MAP7D1: variants seen among roughly 807,000 people sequenced by gnomAD.
MAP7D1 encodes the protein MAP7 domain-containing protein 1.
A neutral mutation model predicts 97.5 loss-of-function variants in MAP7D1; 30 were observed. The ratio of observed to expected loss-of-function variants is 0.31; its 90% CI spans 0.23 to 0.42. MAP7D1 has a LOEUF of 0.42. Ranked by LOEUF, MAP7D1 falls within the 10% of genes least tolerant of loss-of-function variation. The pLI, the probability that MAP7D1 is intolerant of heterozygous loss-of-function variation, is 1.00. For missense variants in MAP7D1, 1,184 were observed against 1,179.5 expected (o/e 1.00, Z -0.06); for synonymous variants, 536 against 477.1 (o/e 1.12, Z -1.61).
chr1:36,170,850 T>C, intron 1 of MAP7D1, 121 bp from the exon 2 acceptor site: 2 of 650,184 alleles, frequency 3.1e-6, no homozygotes, highest in South Asian at 3.9e-5. Flanking sequence ...GCCCGGCACA[T>C]AGAAATAACT....
At chr1:36,157,976 C>G (rs898497992) in intron 1 of MAP7D1, among the ~76,000 whole-genome samples, 2 of 152,190 alleles carry the variant, frequency 1.3e-5, no homozygotes, top group South Asian at 2.1e-4. Flanking sequence ...GCTTACTGGC[C>G]CTCTGCACCT....
intron 1 of MAP7D1, among the ~76,000 whole-genome samples, chr1:36,170,579 A>T (rs1275985679): frequency 1.3e-5 from 2 of 152,178 alleles, no homozygotes; most frequent in African/African-American, 4.8e-5. Context: ...GCCCCTTCGC[A>T]TATACTCTTC....
In MAP7D1 at chr1:36,176,830, C is replaced by T. The variant is rs1644633961; in HGVS notation, c.1367C>T (p.Ala456Val). ...CGTGCCCGCCTCTCTGCCAGCACCG[C>T]CTCTGAGCTCAGGTGGGCGCGGGCG... ...SPRARLSAST[A>V]SELSPKSKAR... Residue 456 changes from alanine to valine, a missense_variant, in exon 8 of 17, where the codon GCC becomes GTC. By Grantham distance (64) the Ala-to-Val change is moderately conservative. Coordinates refer to ENST00000474796, the MANE Select transcript of MAP7D1 (RefSeq NM_001388490.1). The surrounding 1 kb of genome is among the most constrained non-coding windows in gnomAD (Gnocchi z 6.1). 2.5e-6 allele frequency: 4 copies of T among 1,599,520 alleles called. No individual in the cohort carries two copies. Among genetic ancestry groups the T allele is most frequent in the Non-Finnish European group, 8.5e-7 (1 of 1,174,258 alleles).
chr1:36,178,995 G>C lies in MAP7D1; in HGVS notation c.2100G>C (p.Gln700His). The change falls in exon 12 of 17, where the codon CAG becomes CAC. Residue 700 changes from glutamine (Q) to histidine (H), a missense_variant. Gln to His is a conservative substitution (Grantham distance 24). Coordinates refer to ENST00000474796, the MANE Select transcript of MAP7D1 (RefSeq NM_001388490.1). Reference protein sequence around the residue: ...QRLEREKHFQQQEQERQERRK... With the variant: ...QRLEREKHFQHQEQERQERRK... ...TGGAGCGGGAAAAGCACTTCCAGCA[G>C]CAGGAGCAAGAGCGGCAAGAGCGCA... 6.4e-7 allele frequency: 1 copy of C among 1,557,566 alleles called. No individual in the cohort carries two copies. The highest frequency in any genetic ancestry group is 8.7e-7 in the Non-Finnish European group (1 of 1,150,988).
chr1:36,173,403 A>T lies in MAP7D1; in HGVS notation c.664A>T (p.Thr222Ser). 6.2e-7 allele frequency: 1 copy of T among 1,614,062 alleles called. No homozygotes were observed. Among genetic ancestry groups the T allele is most frequent in the Non-Finnish European group, 8.5e-7 (1 of 1,179,978 alleles). ...AGCCATCCAACGGTCAGTGAAGAAG[A>T]CGTGGGCCGAAATCCGGCAGCAGCG... ...EAAIQRSVKK[T>S]WAEIRQQRWS... is the part of the protein sequence containing the mutation. Residue 222 changes from threonine to serine, a missense_variant, in exon 5 of 17, where the codon ACG (threonine) becomes TCG (serine). By Grantham distance (58) the Thr-to-Ser change is moderately conservative. Coordinates refer to ENST00000474796, the MANE Select transcript of MAP7D1 (RefSeq NM_001388490.1).
chr1:36,171,865 C>T (rs575977509), intron 3 of MAP7D1: 8 of 182,522 alleles, frequency 4.4e-5, no homozygotes, highest in Non-Finnish European at 6.3e-5. Flanking sequence ...ACCTGGGAGG[C>T]GGAGGTTGTG....
At chr1:36,173,793 G>C (rs1644580235) in intron 5 of MAP7D1, among the ~76,000 whole-genome samples, 1 of 152,122 alleles carries the variant, frequency 6.6e-6, no homozygotes, top group Non-Finnish European at 1.5e-5. Context: ...ACAGACACTG[G>C]ATCTTAAAGA....
chr1:36,179,022 A>G lies in MAP7D1; in HGVS notation c.2127A>G (p.Arg709=). Residue 709 remains arginine (R), a synonymous_variant, in exon 12 of 17, where the codon AGA becomes AGG. Coordinates refer to ENST00000474796, the MANE Select transcript of MAP7D1 (RefSeq NM_001388490.1). ...AGGAGCAAGAGCGGCAAGAGCGCAG[A>G]AAGGTGTGCGGACCTGGGCGGGGAT... ...QQQEQERQER[R]KRLEEIMKRT... 6.4e-7 allele frequency: 1 copy of G among 1,552,374 alleles called. No individual in the cohort carries two copies. The highest frequency in any genetic ancestry group is 2.5e-5 in the East Asian group (1 of 40,362).
intron 1 of MAP7D1, among the ~76,000 whole-genome samples, chr1:36,165,714 G>A (rs868491795): frequency 3.4e-5 from 5 of 146,468 alleles, no homozygotes; most frequent in African/African-American, 5.0e-5. Flanking sequence ...ACCGCACCAC[G>A]CCTGCAGTTT....
rs1350771589 is a variant in MAP7D1, at chr1:36,179,059, G to T, written c.2130+34G>T. Reference sequence around the variant, plus strand: ...ACCTGGGCGGGGATTTGTGGGCGGGGCCTGGGCAGGGCGGGCCAGGTGGGC... The same window carrying T: ...ACCTGGGCGGGGATTTGTGGGCGGGTCCTGGGCAGGGCGGGCCAGGTGGGC... On this transcript the variant is annotated intron_variant, in intron 12 of 16. Transcript: ENST00000474796. The T allele has an allele frequency of 2.1e-6, 3 of 1,396,058 alleles. No individual in the cohort carries two copies. In the Admixed American group the frequency reaches 6.0e-5, roughly 28 times the overall value. The allele number at this position is 1,396,058 out of a possible 1,614,324, so 86.5% of individuals were successfully genotyped here. A position where few individuals can be genotyped will look rare whatever the true frequency, so the allele number is the denominator to read the frequency against.
intron 1 of MAP7D1, among the ~76,000 whole-genome samples, chr1:36,158,227 T>A (rs772794423): frequency 2.6e-5 from 4 of 152,132 alleles, no homozygotes; most frequent in Non-Finnish European, 4.4e-5. Flanking sequence ...AGAGGACTCT[T>A]CTATACACAG....
chr1:36,167,617 G>T (rs1644489059), intron 1 of MAP7D1, among the ~76,000 whole-genome samples: 1 of 152,182 alleles, frequency 6.6e-6, no homozygotes, highest in South Asian at 2.1e-4. Context: ...CTCCATGAGG[G>T]AACTGTGGTT....
chr1:36,157,129 T>C (rs272834), intron 1 of MAP7D1: 131,769 of 152,184 alleles, frequency 0.87, 57,334 homozygotes, highest in African/African-American at 0.94. Flanking sequence ...TTGTTTGGGG[T>C]GAGGGCGGGA....
chr1:36,160,440 C>A lies in MAP7D1; in HGVS notation c.46+3977C>A, dbSNP rs1050351615. On this transcript the variant is annotated intron_variant, in intron 1 of 16. Transcript: ENST00000474796. Reference sequence around the variant, plus strand: ...GTTATTTCCCATTAATTATCTCTGACTTATTATCTCCTATTCATTAAGGGC... The same window carrying A: ...GTTATTTCCCATTAATTATCTCTGAATTATTATCTCCTATTCATTAAGGGC... Among the ~76,000 whole-genome samples, 3 of 152,228 alleles carry A rather than the reference C, an allele frequency of 2.0e-5. No homozygotes were observed. In the East Asian group the frequency reaches 5.8e-4, roughly 29 times the overall value.
At chr1:36,169,846 CTG>C (rs1407492121) in intron 1 of MAP7D1, among the ~76,000 whole-genome samples, 3 of 152,098 alleles carry the variant, frequency 2.0e-5, no homozygotes, top group Non-Finnish European at 4.4e-5. Context: ...GGTATCAAAA[CTG>C]AGGCTGAGCC....
intron 13 of MAP7D1, 87 bp from the exon 14 acceptor site, chr1:36,179,428 G>T: frequency 1.3e-6 from 2 of 1,574,048 alleles, no homozygotes; most frequent in South Asian, 2.3e-5. Context: ...GGCCGCTGCG[G>T]CCCGGGCAAG....
At chr1:36,167,445 A>G (rs143421060) in intron 1 of MAP7D1, among the ~76,000 whole-genome samples, 62 of 152,250 alleles carry the variant, frequency 4.1e-4, no homozygotes, top group East Asian at 2.5e-3. Context: ...GAGAAGTGCA[A>G]TGTTGCAGAG....
At chr1:36,160,506 T>C (rs780663278) in intron 1 of MAP7D1, among the ~76,000 whole-genome samples, 9 of 152,252 alleles carry the variant, frequency 5.9e-5, no homozygotes, top group Non-Finnish European at 1.3e-4. Context: ...GTCACGGGCA[T>C]TGTCTCATTT....
chr1:36,171,184 C>T lies in MAP7D1; in HGVS notation c.260C>T (p.Pro87Leu). Residue 87 changes from proline (P) to leucine (L), a missense_variant, in exon 2 of 17, where the codon CCT becomes CTT. Coordinates refer to ENST00000474796, the MANE Select transcript of MAP7D1 (RefSeq NM_001388490.1). ...CCAGCCCCCCCGCAGGAAGAGTCCCCTTCCTCTGAAGCAAAGAGCAGAGGA... is the reference window on the plus strand; with the variant it reads ...CCAGCCCCCCCGCAGGAAGAGTCCCTTTCCTCTGAAGCAAAGAGCAGAGGA... ...PRPAPPQEES[P>L]SSEAKSRGPT... 3 of 1,613,988 alleles carry T rather than the reference C, an allele frequency of 1.9e-6. No individual in the cohort carries two copies. Among genetic ancestry groups the T allele is most frequent in the Non-Finnish European group, 2.5e-6 (3 of 1,179,940 alleles).
Sources: gnomAD v4.1 joint callset for allele counts (sites outside exome capture counted in the v4.1 genomes callset) on GRCh38, gnomAD v4.1.1 for gene constraint, Gnocchi (gnomAD v3.1) non-coding constraint, MANE v1.5 for transcripts, NCBI Gene and HGNC (gene_info 2026-07-23, HGNC 2026-07-21) for gene names.